The following N4BP2 variants were observed in gnomAD, a reference collection of about 807,000 sequenced individuals.
The protein encoded by N4BP2 is NEDD4-binding protein 2.
A neutral mutation model predicts 152.8 loss-of-function variants in N4BP2; 91 were observed. That is an observed-to-expected ratio of 0.60 (90% CI 0.50 to 0.71). The LOEUF (loss-of-function observed/expected upper bound fraction) is 0.71. Ranked by LOEUF, N4BP2 falls within the 30% of genes least tolerant of loss-of-function variation. N4BP2 has a pLI of 0.00. For synonymous variants in N4BP2, 646 were observed against 705.3 expected (o/e 0.92, Z 1.33); for missense variants, 1,923 against 2,059.1 (o/e 0.93, Z 1.28).
chr4:40,106,795 A>T, intron 4 of N4BP2, 105 bp from the exon 5 acceptor site: 3 of 1,107,364 alleles, frequency 2.7e-6, no homozygotes, highest in Non-Finnish European at 3.9e-6. Context: ...GTGATCCACA[A>T]AATGATAGTA....
At chr4:40,131,218 G>A (rs147134727) in intron 12 of N4BP2, among the ~76,000 whole-genome samples, 116 of 152,282 alleles carry the variant, frequency 7.6e-4, no homozygotes, top group African/African-American at 2.6e-3. Flanking sequence ...ACCAGAAAAA[G>A]CTGTACTTCT....
downstream of N4BP2, among the ~76,000 whole-genome samples, chr4:40,163,106 C>A (rs969706162): frequency 6.6e-6 from 1 of 152,170 alleles, no homozygotes; most frequent in Admixed American, 6.5e-5. Context: ...TTGTTAGAAC[C>A]AAGCCATTAA....
At chr4:40,069,948 A>G (rs1016442941) in intron 1 of N4BP2, among the ~76,000 whole-genome samples, 2 of 152,002 alleles carry the variant, frequency 1.3e-5, no homozygotes, top group Non-Finnish European at 2.9e-5. Flanking sequence ...AACCCCCAAA[A>G]ACTCTTTCTT....
In N4BP2 at chr4:40,120,580, G is replaced by T; in HGVS notation, c.2469G>T (p.Gln823His). The T allele has an allele frequency of 6.2e-7, 1 of 1,614,106 alleles. No homozygotes were observed. Among genetic ancestry groups the T allele is most frequent in the Non-Finnish European group, 8.5e-7 (1 of 1,180,028 alleles). Residue 823 changes from glutamine to histidine, a missense_variant, in exon 9 of 18, where the codon CAG becomes CAT. By Grantham distance (24) the Gln-to-His change is conservative (BLOSUM62 0). Coordinates refer to ENST00000261435, the MANE Select transcript of N4BP2 (RefSeq NM_018177.6). ...GCGACAAAAAGTATAATTACCCTCA[G>T]TCACACAAATTAGTTAACAGTGTAT... Reference protein sequence around the residue: ...VQSDKKYNYPQSHKLVNSVSV... With the variant: ...VQSDKKYNYPHSHKLVNSVSV...
Position 40,121,029 on chromosome 4 carries a change from C to T in N4BP2, c.2918C>T (p.Thr973Ile). Residue 973 changes from threonine (T) to isoleucine (I), a missense_variant, in exon 9 of 18, where the codon ACA (threonine) becomes ATA (isoleucine). Physicochemically the swap from Thr to Ile is moderately conservative, Grantham distance 89 (BLOSUM62 -1). Coordinates refer to ENST00000261435, the MANE Select transcript of N4BP2 (RefSeq NM_018177.6). ...CLSKKSHGQH[T>I]SLPLTFTNSA... ...AGTAAAAAGAGTCATGGGCAACACA[C>T]ATCGTTGCCTCTTACTTTTACCAAT... The T allele has an allele frequency of 6.2e-7, 1 of 1,614,056 alleles. No individual in the cohort carries two copies. Among genetic ancestry groups the T allele is most frequent in the Non-Finnish European group, 8.5e-7 (1 of 1,179,990 alleles).
chr4:40,139,064 G>A lies in N4BP2; in HGVS notation c.4785+1982G>A, dbSNP rs960145638. On this transcript the variant is annotated intron_variant, in intron 14 of 17. Transcript: ENST00000261435. ...AAATGGAGTATCTTTCAGTTATTTA[G>A]GTCTTCTTTAATTTCCTTCAACAAT... Among the ~76,000 whole-genome samples the A allele has an allele frequency of 3.3e-5, 5 of 151,960 alleles. No individual in the cohort carries two copies. In the East Asian group the frequency reaches 5.8e-4, roughly 18 times the overall value.
intron 1 of N4BP2, among the ~76,000 whole-genome samples, chr4:40,065,903 T>TA (rs1734000939): frequency 6.6e-6 from 1 of 151,792 alleles, no homozygotes; most frequent in Non-Finnish European, 1.5e-5. Context: ...ATTTTGCACA[T>TA]AGTTTCTGGA....
rs751109222 is a variant in N4BP2 at position 40,120,871 on chromosome 4, A to G, written c.2760A>G (p.Glu920=). The G allele has an allele frequency of 6.1e-5, 98 of 1,613,998 alleles. No homozygotes were observed. In the Admixed American group the frequency reaches 1.6e-3, roughly 26 times the overall value. ...TTGGAACAAATGACAAAATGAATGA[A>G]ATATCCTTATCTACAGCACATGAGG... is the stretch of plus-strand genomic sequence containing the variant. ...LEIGTNDKMN[E]ISLSTAHEAC... Residue 920 remains glutamate, a synonymous_variant, in exon 9 of 18, where the codon GAA becomes GAG. Coordinates refer to ENST00000261435, the MANE Select transcript of N4BP2 (RefSeq NM_018177.6).
the N4BP2 span, among the ~76,000 whole-genome samples, chr4:40,168,614 C>A: frequency 2.0e-5 from 3 of 151,686 alleles, no homozygotes; most frequent in African/African-American, 7.3e-5. Flanking sequence ...CAGAACTAGA[C>A]AGATCTAGTA....
At position 40,085,629 on chromosome 4, in the gene N4BP2, A is replaced by AT. The variant is rs574563536; in HGVS notation, c.-114-11592dup. Among the ~76,000 whole-genome samples the AT allele has an allele frequency of 1.2e-4, 18 of 151,732 alleles. No homozygotes were observed. In the South Asian group the frequency reaches 1.7e-3, roughly 14 times the overall value. ...GCCACCATGCCTGGCTAATTTTTAA[A>AT]TTTTTTGTAGAGGGAAAAGAGGGAA... On this transcript the variant is annotated intron_variant, in intron 2 of 17. Coordinates refer to ENST00000261435, the MANE Select transcript of N4BP2 (RefSeq NM_018177.6).
At chr4:40,146,638 A>G (rs989725415) in intron 16 of N4BP2, among the ~76,000 whole-genome samples, 5 of 152,218 alleles carry the variant, frequency 3.3e-5, no homozygotes, top group African/African-American at 1.2e-4. Context: ...TTTAGCACAT[A>G]CATCACCTAT....
Position 40,123,126 on chromosome 4 carries a change from G to C in N4BP2, c.4199-1G>C, listed in dbSNP as rs772874900. On this transcript the variant is annotated splice_acceptor_variant, in intron 9 of 17. Coordinates refer to ENST00000261435, the MANE Select transcript of N4BP2 (RefSeq NM_018177.6). LOFTEE classifies it high-confidence loss of function. ...TTCTTCCCTCCCCCTTCCCCCACAA[G>C]GGTCTCTAACAGTTGAAGATTGTGT... is the stretch of plus-strand genomic sequence containing the variant. The C allele has an allele frequency of 6.3e-7, 1 of 1,593,124 alleles. No individual in the cohort carries two copies. The highest frequency in any genetic ancestry group is 1.7e-5 in the Admixed American group (1 of 58,424).
chr4:40,062,078 C>CCT (rs368872863), intron 1 of N4BP2, among the ~76,000 whole-genome samples: 2 of 132,386 alleles, frequency 1.5e-5, no homozygotes, highest in Non-Finnish European at 3.1e-5. Flanking sequence ...TTTTTGGTTA[C>CCT]TTTTTTTTTT....
intron 2 of N4BP2, among the ~76,000 whole-genome samples, chr4:40,083,989 C>T (rs1384947653): frequency 6.6e-6 from 1 of 152,198 alleles, no homozygotes; most frequent in Non-Finnish European, 1.5e-5. Context: ...GACGGGGTCT[C>T]ACTCTGTCAC....
chr4:40,067,237 A>G (rs918634046), intron 1 of N4BP2, among the ~76,000 whole-genome samples: 1 of 151,448 alleles, frequency 6.6e-6, no homozygotes, highest in African/African-American at 2.4e-5. Context: ...TTTTGTAGAC[A>G]TGAGGTTTTG....
chr4:40,123,117 C>G lies in N4BP2; in HGVS notation c.4199-10C>G. 1 of 1,570,202 alleles carries G rather than the reference C, an allele frequency of 6.4e-7. No homozygotes were observed. The highest frequency in any genetic ancestry group is 8.7e-7 in the Non-Finnish European group (1 of 1,147,508). ...GATTACATTTTCTTCCCTCCCCCTT[C>G]CCCCACAAGGGTCTCTAACAGTTGA... On this transcript the variant is annotated splice_polypyrimidine_tract_variant and intron_variant, in intron 9 of 17. Transcript: ENST00000261435.
Position 40,121,883 on chromosome 4 carries a change from A to T in N4BP2, c.3772A>T (p.Thr1258Ser), listed in dbSNP as rs1298666727. The change falls in exon 9 of 18, where the codon ACT becomes TCT. Residue 1258 changes from threonine to serine, a missense_variant. Transcript: ENST00000261435. ...QSFPGILKAT[T>S]PKDMSETEKN... ...CTTTCCAGGTATTCTAAAAGCTACT[A>T]CTCCTAAAGATATGAGTGAAACAGA... The T allele has an allele frequency of 1.2e-6, 2 of 1,609,180 alleles. No homozygotes were observed. The highest frequency in any genetic ancestry group is 2.2e-5 in the South Asian group (2 of 90,580).
chr4:40,075,034 A>C (rs779849459), intron 2 of N4BP2, among the ~76,000 whole-genome samples: 1 of 151,992 alleles, frequency 6.6e-6, no homozygotes, highest in Non-Finnish European at 1.5e-5. Flanking sequence ...ATAAATAAAA[A>C]ATAGGCCAAT....
chr4:40,172,594 G>T, the N4BP2 span, among the ~76,000 whole-genome samples: 1 of 152,198 alleles, frequency 6.6e-6, no homozygotes, highest in East Asian at 1.9e-4. Flanking sequence ...GAGAGGCCTG[G>T]AACAGCTGCC....
Sources: allele counts gnomAD v4.1 joint callset (sites outside exome capture counted in the v4.1 genomes callset), GRCh38; gene constraint gnomAD v4.1.1; transcripts MANE v1.5; gene names NCBI Gene and HGNC (gene_info 2026-07-23, HGNC 2026-07-21).